Variants in TMPRSS15 observed in about 807,000 individuals in gnomAD.
TMPRSS15 encodes enteropeptidase.
In TMPRSS15, 128 loss-of-function variants were observed where a neutral mutation model predicts 125.3. The observed-to-expected ratio is 1.02, with a 90% CI of 0.89 to 1.18. TMPRSS15 has a LOEUF of 1.18. Among genes scored for constraint, TMPRSS15 ranks in the 50% most tolerant of loss-of-function variants. The probability of loss-of-function intolerance (pLI) is 0.00; values close to 1 mark genes in which losing one functional copy is unlikely to be tolerated. For missense variants in TMPRSS15, 1,283 were observed against 1,212.7 expected (o/e 1.06, Z -0.86); for synonymous variants, 446 against 423.2 (o/e 1.05, Z -0.66).
intron 16 of TMPRSS15, among the ~76,000 whole-genome samples, chr21:18,317,909 T>TCCCATCCCATCCCATCCCATCCC (rs1569004326): frequency 4.1e-5 from 3 of 72,782 alleles, no homozygotes; most frequent in African/African-American, 5.3e-5. Context: ...CATCCCATCC[T>TCCCATCCCATCCCATCCCATCCC]ATCCCAACCC....
At chr21:18,377,403 G>T (rs575098477) in intron 5 of TMPRSS15, among the ~76,000 whole-genome samples, 1 of 152,016 alleles carries the variant, frequency 6.6e-6, no homozygotes, top group South Asian at 2.1e-4. Context: ...AACTCAGAAG[G>T]GGGAAGGAGT....
intron 7 of TMPRSS15, among the ~76,000 whole-genome samples, chr21:18,362,062 A>G (rs1297462471): frequency 6.6e-6 from 1 of 152,142 alleles, no homozygotes; most frequent in Non-Finnish European, 1.5e-5. Flanking sequence ...TGCTACACTC[A>G]TGGCTACTCT....
intron 1 of TMPRSS15, among the ~76,000 whole-genome samples, chr21:18,447,893 T>G (rs886395561): frequency 6.6e-6 from 1 of 152,088 alleles, no homozygotes; most frequent in Non-Finnish European, 1.5e-5. Context: ...TCATCAGAGA[T>G]ATGTAAATCA....
intron 1 of TMPRSS15, among the ~76,000 whole-genome samples, chr21:18,426,946 A>C (rs117287590): frequency 1.3e-5 from 2 of 152,324 alleles, no homozygotes; most frequent in East Asian, 3.9e-4. Flanking sequence ...CAAACACATA[A>C]AGGAAGTGTT....
chr21:18,401,210 C>T (rs2076091942), intron 1 of TMPRSS15, among the ~76,000 whole-genome samples: 1 of 152,068 alleles, frequency 6.6e-6, no homozygotes, highest in Non-Finnish European at 1.5e-5. Flanking sequence ...ACCATTTGAC[C>T]CAGCAATCCC....
intron 21 of TMPRSS15, among the ~76,000 whole-genome samples, chr21:18,287,541 T>C (rs2074779947): frequency 6.6e-6 from 1 of 152,086 alleles, no homozygotes; most frequent in Non-Finnish European, 1.5e-5. Context: ...ATTATCAAAG[T>C]AGAGGTAACT....
At chr21:18,452,250 G>A (rs1308116582) in intron 1 of TMPRSS15, among the ~76,000 whole-genome samples, 1 of 152,102 alleles carries the variant, frequency 6.6e-6, no homozygotes, top group Admixed American at 6.5e-5. Flanking sequence ...CATAAGCATG[G>A]TTTGTTAAAA....
intron 13 of TMPRSS15, among the ~76,000 whole-genome samples, chr21:18,337,143 C>T (rs540251037): frequency 6.6e-6 from 1 of 152,320 alleles, no homozygotes; most frequent in Admixed American, 6.5e-5. Flanking sequence ...ACCTGCCCCC[C>T]TCAGCCTCCC....
At chr21:18,445,206 ATT>A (rs71191408) in intron 1 of TMPRSS15, among the ~76,000 whole-genome samples, 3,649 of 141,418 alleles carry the variant, frequency 0.026, 74 homozygotes, top group African/African-American at 0.058. Flanking sequence ...TATATACCAC[ATT>A]TTTTTTTTTT....
At chr21:18,479,316 G>A (rs1465757100) in intron 1 of TMPRSS15, among the ~76,000 whole-genome samples, 6 of 151,862 alleles carry the variant, frequency 4.0e-5, no homozygotes, top group Admixed American at 1.3e-4. Flanking sequence ...AATGTCAAAT[G>A]TGGCATATTC....
At chr21:18,434,607 A>G (rs956160705) in intron 1 of TMPRSS15, among the ~76,000 whole-genome samples, 1 of 152,098 alleles carries the variant, frequency 6.6e-6, no homozygotes, top group Non-Finnish European at 1.5e-5. Context: ...AGTTTGGATT[A>G]CTACCCTACA....
chr21:18,270,177 A>ACAT lies in TMPRSS15; in HGVS notation c.2905-56_2905-54dup, dbSNP rs962177243. 2.7e-6 allele frequency: 4 copies of ACAT among 1,464,512 alleles called. No homozygotes were observed. In the African/African-American group the frequency reaches 5.6e-5, roughly 21 times the overall value. The allele number at this position is 1,464,512 out of a possible 1,614,324, so 90.7% of individuals were successfully genotyped here. On this transcript the variant is annotated intron_variant, in intron 24 of 24. Coordinates refer to ENST00000284885, the MANE Select transcript of TMPRSS15 (RefSeq NM_002772.3). ...GTAGATATGTGGTCAATTGATCGAA[A>ACAT]CATATAAAATTATTTGTATCAAATA...
chr21:18,318,087 TAA>T (rs2075192761), intron 16 of TMPRSS15, among the ~76,000 whole-genome samples: 1 of 152,162 alleles, frequency 6.6e-6, no homozygotes, highest in East Asian at 1.9e-4. Flanking sequence ...GCTGTGTAAA[TAA>T]AGATTGGTAT....
At chr21:18,317,338 C>T (rs1270020045) in intron 16 of TMPRSS15, among the ~76,000 whole-genome samples, 1 of 151,514 alleles carries the variant, frequency 6.6e-6, no homozygotes, top group Non-Finnish European at 1.5e-5. Context: ...CAAAAGTAGT[C>T]CAGCAACTAT....
At chr21:18,441,556 G>C (rs1283964779) in intron 1 of TMPRSS15, among the ~76,000 whole-genome samples, 5 of 143,006 alleles carry the variant, frequency 3.5e-5, no homozygotes, top group African/African-American at 1.3e-4. Flanking sequence ...GCAGTGAGCT[G>C]AGATCGTGCC....
At position 18,437,675 on chromosome 21, in the gene TMPRSS15, G is replaced by A. The variant is rs200258273; in HGVS notation, c.11-39346C>T. Among the ~76,000 whole-genome samples, 535 of 152,132 alleles carry A rather than the reference G, an allele frequency of 3.5e-3. 16 individuals are homozygous for A. In the East Asian group the frequency reaches 0.06, roughly 17 times the overall value. Reference sequence around the variant, plus strand: ...CAAAAAGTGGGCAAAGGATATGAGCGGACACTTCTCAAAAGAAGACATTTA... The same window carrying A: ...CAAAAAGTGGGCAAAGGATATGAGCAGACACTTCTCAAAAGAAGACATTTA... On this transcript the variant is annotated intron_variant, in intron 1 of 7. Coordinates refer to the TMPRSS15 transcript ENST00000422787.
In TMPRSS15 at chr21:18,279,311, CTTTTTTTTTTTTTTTTTTT is replaced by C. The variant is rs71189593; in HGVS notation, c.2669-271_2669-253del. On this transcript the variant is annotated intron_variant, in intron 22 of 24. Transcript: ENST00000284885. ...GTCTTTTACTAGTCTCCTCGTTACT[CTTTTTTTTTTTTTTTTTTT>C]TTTTTTTTTTTTTGAGACGGAGTCT... Among the ~76,000 whole-genome samples the C allele has an allele frequency of 9.7e-5, 4 of 41,124 alleles. No individual in the cohort carries two copies. In the South Asian group the frequency reaches 5.5e-3, roughly 57 times the overall value. 27.0% of individuals were successfully genotyped at this position (41,124 alleles called of 152,430 possible).
At chr21:18,375,008 G>T (rs2075829644) in intron 5 of TMPRSS15, among the ~76,000 whole-genome samples, 1 of 152,154 alleles carries the variant, frequency 6.6e-6, no homozygotes, top group African/African-American at 2.4e-5. Flanking sequence ...ACAAATTGTG[G>T]GGTTAGAAAC....
intron 1 of TMPRSS15, among the ~76,000 whole-genome samples, chr21:18,436,984 C>A (rs1368741622): frequency 2.1e-5 from 3 of 140,270 alleles, no homozygotes; most frequent in Non-Finnish European, 4.6e-5. Context: ...CTTTAAAGTT[C>A]ATATGGAACC....
Sources: gnomAD v4.1 joint callset for allele counts (sites outside exome capture counted in the v4.1 genomes callset) on GRCh38, gnomAD v4.1.1 for gene constraint, MANE v1.5 for transcripts, NCBI Gene and HGNC (gene_info 2026-07-23, HGNC 2026-07-21) for gene names.